Variants in INSL6 observed in about 807,000 individuals in gnomAD.
The protein encoded by INSL6 is insulin like 6.
A neutral mutation model predicts 9.4 loss-of-function variants in INSL6; 16 were observed. That is an observed-to-expected ratio of 1.70 (90% CI 1.15 to 2.59). The LOEUF (loss-of-function observed/expected upper bound fraction) is 2.59, where lower values mean the gene tolerates loss of function less well. INSL6 is among the 30% of genes most tolerant of loss of function. The probability of loss-of-function intolerance (pLI) is 0.00; values close to 1 mark genes in which losing one functional copy is unlikely to be tolerated. For synonymous variants in INSL6, 154 were observed against 96.9 expected, an observed-to-expected ratio of 1.59 and a Z score of -3.46; for missense variants, 391 against 257.3, an observed-to-expected ratio of 1.52 and a Z score of -3.56.
At chr9:5,165,627 A>G (rs572463628) in intron 1 of INSL6, among the ~76,000 whole-genome samples, 2 of 152,288 alleles carry the variant, frequency 1.3e-5, no homozygotes, top group Admixed American at 6.5e-5. Context: ...CTTCTTATGC[A>G]CATCTTACAA....
chr9:5,107,149 G>A, the INSL6 span, among the ~76,000 whole-genome samples: 3 of 151,996 alleles, frequency 2.0e-5, no homozygotes, highest in Non-Finnish European at 4.4e-5. Flanking sequence ...CTACTGATGA[G>A]GATCCTACTC....
chr9:5,052,238 T>C, the INSL6 span, among the ~76,000 whole-genome samples: 23 of 152,272 alleles, frequency 1.5e-4, no homozygotes, highest in African/African-American at 4.6e-4. Context: ...AATCTTTCTA[T>C]GTAGATTGTA....
the INSL6 span, among the ~76,000 whole-genome samples, chr9:5,062,958 G>A: frequency 6.6e-6 from 1 of 151,878 alleles, no homozygotes; most frequent in Admixed American, 6.6e-5. Flanking sequence ...TGTATGTTAG[G>A]TATATTCCTT....
intron 1 of INSL6, among the ~76,000 whole-genome samples, chr9:5,168,243 G>A (rs1421346412): frequency 2.0e-5 from 3 of 152,156 alleles, no homozygotes; most frequent in Non-Finnish European, 4.4e-5. Flanking sequence ...ATTGACAGAA[G>A]TAAGCTTCAA....
At chr9:5,023,377 G>A in the INSL6 span, among the ~76,000 whole-genome samples, 1 of 152,052 alleles carries the variant, frequency 6.6e-6, no homozygotes, top group Non-Finnish European at 1.5e-5. Context: ...AGGGGAGTAC[G>A]CATTCTGTTG....
chr9:5,035,636 A>G, the INSL6 span, among the ~76,000 whole-genome samples: 2 of 152,252 alleles, frequency 1.3e-5, no homozygotes, highest in South Asian at 4.1e-4. Context: ...CAAAAACCAT[A>G]TGATTATCTC....
At chr9:5,075,686 T>G in the INSL6 span, among the ~76,000 whole-genome samples, 322 of 152,318 alleles carry the variant, frequency 2.1e-3, 3 homozygotes, top group African/African-American at 7.3e-3. Context: ...GATGGAGATG[T>G]ACAAGGATAT....
chr9:5,006,056 T>C, the INSL6 span, among the ~76,000 whole-genome samples: 1 of 152,196 alleles, frequency 6.6e-6, no homozygotes, highest in Non-Finnish European at 1.5e-5. Flanking sequence ...TTGATGGGGA[T>C]GGCATTGAAT....
intron 3 of INSL6, chr9:5,126,416 A>T: frequency 6.2e-7 from 1 of 1,610,648 alleles, no homozygotes; most frequent in Non-Finnish European, 8.5e-7. Context: ...ATAATGGAAG[A>T]TTACCAAGAC....
chr9:5,081,770 T>G, the INSL6 span: 1 of 1,602,624 alleles, frequency 6.2e-7, no homozygotes, highest in Non-Finnish European at 8.5e-7. Context: ...AATATGAGGA[T>G]AGGTGCCCTG....
chr9:5,096,895 G>T, the INSL6 span: 1 of 152,184 alleles, frequency 6.6e-6, no homozygotes, highest in Admixed American at 6.5e-5. Flanking sequence ...ATAATTGGGG[G>T]TTTCGGCAAC....
chr9:5,020,632 CA>C, the INSL6 span, among the ~76,000 whole-genome samples: 1 of 152,122 alleles, frequency 6.6e-6, no homozygotes. Context: ...AGGGTGCATG[CA>C]AATTTGCATT....
At chr9:5,044,870 T>A in the INSL6 span, among the ~76,000 whole-genome samples, 1 of 152,170 alleles carries the variant, frequency 6.6e-6, no homozygotes, top group South Asian at 2.1e-4. Context: ...TTTATGGTTT[T>A]TAAAAAAATT....
chr9:5,016,584 A>G, the INSL6 span, among the ~76,000 whole-genome samples: 8 of 152,250 alleles, frequency 5.3e-5, no homozygotes, highest in African/African-American at 1.9e-4. Context: ...TAACACACAA[A>G]CAGGAAAGTA....
At chr9:5,138,591 G>C (rs965632109) in intron 2 of INSL6, among the ~76,000 whole-genome samples, 6 of 152,068 alleles carry the variant, frequency 3.9e-5, no homozygotes, top group African/African-American at 9.7e-5. Flanking sequence ...GGCAGTGGGG[G>C]GCTAGGGAGC....
intron 2 of INSL6, among the ~76,000 whole-genome samples, chr9:5,143,632 T>TA (rs1824544946): frequency 6.6e-6 from 1 of 151,552 alleles, no homozygotes; most frequent in Non-Finnish European, 1.5e-5. Context: ...TTTTTTCAAA[T>TA]AAACAGCTCC....
At chr9:5,181,965 G>C (rs922733917) in intron 1 of INSL6, among the ~76,000 whole-genome samples, 3 of 152,180 alleles carry the variant, frequency 2.0e-5, no homozygotes, top group African/African-American at 7.2e-5. Flanking sequence ...AGGATTGGTG[G>C]TGCAACTATA....
chr9:5,073,270 G>C, the INSL6 span, among the ~76,000 whole-genome samples: 2 of 152,200 alleles, frequency 1.3e-5, no homozygotes, highest in Non-Finnish European at 2.9e-5. Flanking sequence ...AACTATGCTA[G>C]TATCCTGACA....
chr9:5,054,515 C>A, the INSL6 span: 1 of 1,426,802 alleles, frequency 7.0e-7, no homozygotes, highest in Non-Finnish European at 9.5e-7. The surrounding 1 kb of genome is among the most constrained non-coding windows in gnomAD (Gnocchi z 4.9). Flanking sequence ...ATTTATCTTC[C>A]AATTTTTGTT....
Sources: gnomAD v4.1 joint callset for allele counts (sites outside exome capture counted in the v4.1 genomes callset) on GRCh38, gnomAD v4.1.1 for gene constraint, Gnocchi (gnomAD v3.1) non-coding constraint, MANE v1.5 for transcripts, NCBI Gene and HGNC (gene_info 2026-07-23, HGNC 2026-07-21) for gene names.